FRMPD4: variants seen among roughly 807,000 people sequenced by gnomAD.
FRMPD4 encodes the protein FERM and PDZ domain containing 4, also known as FERM and PDZ domain-containing protein 4.
FRMPD4 carries 22 observed loss-of-function variants against 94.1 expected under a neutral mutation model. That is an observed-to-expected ratio of 0.23 (90% CI 0.17 to 0.33). The LOEUF is 0.33. Ranked by LOEUF, FRMPD4 falls within the 10% of genes least tolerant of loss-of-function variation. The pLI, the probability that FRMPD4 is intolerant of heterozygous loss-of-function variation, is 1.00. For missense variants in FRMPD4, 1,111 were observed against 1,339.9 expected (o/e 0.83, Z 2.67); for synonymous variants, 631 against 548.6 (o/e 1.15, Z -2.10).
At chrX:12,371,953 A>C (rs2056168711) in intron 1 of FRMPD4, among the ~76,000 whole-genome samples, 1 of 112,401 alleles carries the variant, frequency 8.9e-6, no homozygotes, top group Non-Finnish European at 1.9e-5. Flanking sequence ...TGCAATGGTT[A>C]AGATATAACT....
At chrX:12,053,380 AAGAAAG>A (rs1339899834) in intron 3 of FRMPD4, among the ~76,000 whole-genome samples, 19 of 92,330 alleles carry the variant, frequency 2.1e-4, no homozygotes, top group African/African-American at 7.3e-4. Flanking sequence ...GAAAGAAAGA[AAGAAAG>A]AAAGAAAGAA....
intron 1 of FRMPD4, among the ~76,000 whole-genome samples, chrX:12,193,575 T>A (rs904789345): frequency 1.9e-5 from 2 of 104,977 alleles, no homozygotes; most frequent in Admixed American, 2.1e-4. Flanking sequence ...GTAGGTGAAA[T>A]CCCTATCTTC....
At chrX:11,891,985 C>A (rs756332565) in intron 3 of FRMPD4, among the ~76,000 whole-genome samples, 27 of 111,963 alleles carry the variant, frequency 2.4e-4, no homozygotes, top group Non-Finnish European at 4.3e-4. Context: ...TCTCAAATAT[C>A]CTAACAGTCA....
chrX:12,423,659 AC>A (rs201073577), intron 1 of FRMPD4, among the ~76,000 whole-genome samples: 4,954 of 112,380 alleles, frequency 0.044, 107 homozygotes, highest in African/African-American at 0.065. Context: ...TTGTTATTGT[AC>A]TTTTGAAAGA....
chrX:12,590,708 A>G (rs1325351020), intron 2 of FRMPD4, among the ~76,000 whole-genome samples: 1 of 112,102 alleles, frequency 8.9e-6, no homozygotes, highest in Non-Finnish European at 1.9e-5. Context: ...ATATTAAACA[A>G]CCTTCAAGGA....
At chrX:12,542,449 C>T (rs183975693) in intron 2 of FRMPD4, among the ~76,000 whole-genome samples, 191 of 112,038 alleles carry the variant, frequency 1.7e-3, no homozygotes, top group African/African-American at 5.1e-3. Flanking sequence ...CAATAACAAA[C>T]GGAGAGCCAA....
At position 12,350,788 on chromosome X, in the gene FRMPD4, T is replaced by C. The variant is rs773915316; in HGVS notation, c.42-147892T>C. ...TTTTTAAATCTATTGATTAAACCCTTGAAAGAAGGTACATAATGACAGAGC... is the reference window on the plus strand; with the variant it reads ...TTTTTAAATCTATTGATTAAACCCTCGAAAGAAGGTACATAATGACAGAGC... On this transcript the variant is annotated intron_variant, in intron 1 of 16. Transcript: ENST00000675598. Among the ~76,000 whole-genome samples the C allele has an allele frequency of 2.0e-3, 225 of 112,239 alleles. 1 individual carries two copies. The highest frequency in any genetic ancestry group is 7.0e-3 in the African/African-American group (218 of 30,956).
intron 1 of FRMPD4, among the ~76,000 whole-genome samples, chrX:12,387,045 T>C (rs1250064922): frequency 8.9e-6 from 1 of 112,337 alleles, no homozygotes; most frequent in Non-Finnish European, 1.9e-5. Flanking sequence ...TTGAAGGCTA[T>C]TTTTCTTTAC....
intron 1 of FRMPD4, among the ~76,000 whole-genome samples, chrX:11,841,726 T>G (rs1197574927): frequency 2.8e-5 from 3 of 107,546 alleles, no homozygotes; most frequent in Non-Finnish European, 5.8e-5. Flanking sequence ...TAGTTTCTTT[T>G]GCTGTGCAGA....
intron 1 of FRMPD4, among the ~76,000 whole-genome samples, chrX:11,837,238 T>G (rs185503089): frequency 8.9e-6 from 1 of 112,248 alleles, no homozygotes; most frequent in East Asian, 2.8e-4. Context: ...TATTTTAGTT[T>G]ATATTTCAGT....
At chrX:12,071,952 A>T (rs181240160) in intron 3 of FRMPD4, among the ~76,000 whole-genome samples, 1 of 111,604 alleles carries the variant, frequency 9.0e-6, no homozygotes, top group East Asian at 2.8e-4. Flanking sequence ...AAAGTTTACC[A>T]CGTCTGACAT....
chrX:12,161,249 C>A (rs1207429065), intron 1 of FRMPD4, among the ~76,000 whole-genome samples: 1 of 111,036 alleles, frequency 9.0e-6, no homozygotes, highest in Non-Finnish European at 1.9e-5. Flanking sequence ...ACCTCCACCT[C>A]CCAGGCTCAA....
At chrX:11,895,045 G>A (rs1031187490) in intron 3 of FRMPD4, among the ~76,000 whole-genome samples, 7 of 112,146 alleles carry the variant, frequency 6.2e-5, no homozygotes, top group Admixed American at 9.5e-5. Flanking sequence ...CCAGAAATAT[G>A]TGCTCCAAGG....
chrX:12,030,649 C>T (rs192517801), intron 3 of FRMPD4, among the ~76,000 whole-genome samples: 1 of 111,965 alleles, frequency 8.9e-6, no homozygotes, highest in East Asian at 2.8e-4. Flanking sequence ...GACAAATGGA[C>T]ATCAACATTG....
At chrX:12,135,155 A>G (rs1376643596), upstream of FRMPD4, among the ~76,000 whole-genome samples, 1 of 112,273 alleles carries the variant, frequency 8.9e-6, no homozygotes, top group Non-Finnish European at 1.9e-5. Flanking sequence ...TCCAACTAGT[A>G]AATCCCTACA....
chrX:12,001,312 G>C (rs1601878342), intron 3 of FRMPD4, among the ~76,000 whole-genome samples: 1 of 112,234 alleles, frequency 8.9e-6, no homozygotes, highest in Non-Finnish European at 1.9e-5. Flanking sequence ...ACTCCTTCAA[G>C]GTGGATCATG....
At chrX:12,448,034 G>A (rs1382957978) in intron 1 of FRMPD4, among the ~76,000 whole-genome samples, 1 of 112,018 alleles carries the variant, frequency 8.9e-6, no homozygotes, top group Non-Finnish European at 1.9e-5. Flanking sequence ...GTAAACAAAG[G>A]TGATATTTGT....
At chrX:12,444,261 C>T (rs1313746053) in intron 1 of FRMPD4, among the ~76,000 whole-genome samples, 1 of 111,242 alleles carries the variant, frequency 9.0e-6, no homozygotes, top group African/African-American at 3.3e-5. Flanking sequence ...ATAAGAGGTT[C>T]CTAAAGGAAA....
intron 2 of FRMPD4, among the ~76,000 whole-genome samples, chrX:11,866,519 C>A (rs902293387): frequency 1.8e-4 from 20 of 111,666 alleles, no homozygotes; most frequent in African/African-American, 6.2e-4. Flanking sequence ...CAGTGATGGT[C>A]TTCAAGCTTA....
Sources: gnomAD v4.1 joint callset for allele counts (sites outside exome capture counted in the v4.1 genomes callset) on GRCh38, gnomAD v4.1.1 for gene constraint, MANE v1.5 for transcripts, NCBI Gene and HGNC (gene_info 2026-07-23, HGNC 2026-07-21) for gene names.